The following ZBTB7C variants were observed in gnomAD, a reference collection of about 807,000 sequenced individuals.
ZBTB7C encodes zinc finger and BTB domain containing 7C.
ZBTB7C carries 8 observed loss-of-function variants against 25.7 expected under a neutral mutation model. The ratio of observed to expected loss-of-function variants is 0.31; its 90% CI spans 0.18 to 0.56. The LOEUF is 0.56. Among genes scored for constraint, ZBTB7C ranks in the 20% least tolerant of loss-of-function variants. ZBTB7C has a pLI of 0.91. For synonymous variants in ZBTB7C, 394 were observed against 369.0 expected (o/e 1.07, Z -0.78); for missense variants, 824 against 855.2 (o/e 0.96, Z 0.46).
chr18:48,098,312 G>T lies in ZBTB7C; in HGVS notation c.-16-57189C>A, dbSNP rs534978245. On this transcript the variant is annotated intron_variant, in intron 3 of 4. Coordinates refer to ENST00000590800, the MANE Select transcript of ZBTB7C (RefSeq NM_001318841.2). The stretch of plus-strand genomic sequence containing the variant: ...TATGGGGATGGATCCAGCATTCTTG[G>T]TGTCTTCCTAATCACATTTTACCCG... Among the ~76,000 whole-genome samples the T allele has an allele frequency of 2.0e-5, 3 of 152,300 alleles. No homozygotes were observed. In the East Asian group the frequency reaches 5.8e-4, roughly 29 times the overall value.
intron 3 of ZBTB7C, among the ~76,000 whole-genome samples, chr18:48,137,605 G>A (rs2040215534): frequency 6.6e-6 from 1 of 152,172 alleles, no homozygotes; most frequent in African/African-American, 2.4e-5. Flanking sequence ...TTACAGGGTC[G>A]TGAGTGTAAC....
In ZBTB7C at chr18:48,040,889, G is replaced by A. The variant is rs184738371; in HGVS notation, c.219C>T (p.Tyr73=). ...FTAGTLASQP[Y]VYEIDFVQPE... is the part of the protein sequence containing the mutation. ...GCTGGACAAAGTCGATCTCATAGAC[G>A]TAGGGCTGGCTGGCTAGGGTGCCGG... Residue 73 remains tyrosine, a synonymous_variant, in exon 4 of 5, where the codon TAC becomes TAT. Coordinates refer to ENST00000590800, the MANE Select transcript of ZBTB7C (RefSeq NM_001318841.2). 3.0e-5 allele frequency: 48 copies of A among 1,614,208 alleles called. No homozygotes were observed. Among genetic ancestry groups the A allele is most frequent in the Admixed American group, 1.8e-4 (11 of 60,034 alleles).
intron 2 of ZBTB7C, among the ~76,000 whole-genome samples, chr18:48,238,418 C>G (rs1314636419): frequency 6.6e-6 from 1 of 152,198 alleles, no homozygotes; most frequent in African/African-American, 2.4e-5. Context: ...AAGGAAGCGG[C>G]TTGCCACTGC....
In ZBTB7C at chr18:48,039,893, T is replaced by G; in HGVS notation, c.1208+7A>C. 5 of 1,610,562 alleles carry G rather than the reference T, an allele frequency of 3.1e-6. No homozygotes were observed. Among genetic ancestry groups the G allele is most frequent in the Non-Finnish European group, 4.2e-6 (5 of 1,179,978 alleles). On this transcript the variant is annotated splice_region_variant and intron_variant, in intron 4 of 4. Transcript: ENST00000590800. The stretch of plus-strand genomic sequence containing the variant: ...CGTGCCCCACACCCGAGGGCTGCCA[T>G]GCGCACCTGGTGAAGCGGACCTCGC...
At chr18:48,285,754 G>A (rs1474022736) in intron 2 of ZBTB7C, among the ~76,000 whole-genome samples, 1 of 152,100 alleles carries the variant, frequency 6.6e-6, no homozygotes, top group African/African-American at 2.4e-5. Context: ...AAAAGTTTCT[G>A]CCTTTAATGG....
intron 1 of ZBTB7C, among the ~76,000 whole-genome samples, chr18:48,404,268 T>C (rs573486159): frequency 8.0e-5 from 12 of 150,188 alleles, no homozygotes; most frequent in African/African-American, 2.7e-4. Context: ...AAAAAAAGAA[T>C]ATAGTCCAGG....
At chr18:48,139,431 C>T (rs1475179514) in intron 3 of ZBTB7C, among the ~76,000 whole-genome samples, 1 of 152,042 alleles carries the variant, frequency 6.6e-6, no homozygotes, top group Non-Finnish European at 1.5e-5. Context: ...AGTTGAGGTG[C>T]CCAGCCCAGC....
chr18:48,215,903 G>A (rs1338894594), intron 2 of ZBTB7C, among the ~76,000 whole-genome samples: 1 of 152,194 alleles, frequency 6.6e-6, no homozygotes, highest in Non-Finnish European at 1.5e-5. Context: ...TTTTCCTTCA[G>A]GGCCTGCTGT....
intron 1 of ZBTB7C, among the ~76,000 whole-genome samples, chr18:48,344,436 G>T (rs2046679718): frequency 6.6e-6 from 1 of 152,168 alleles, no homozygotes; most frequent in South Asian, 2.1e-4. Context: ...CATGCCACTG[G>T]TCTGGGATCA....
intron 1 of ZBTB7C, among the ~76,000 whole-genome samples, chr18:48,380,970 T>C (rs939125922): frequency 6.6e-6 from 1 of 152,184 alleles, no homozygotes; most frequent in Admixed American, 6.5e-5. Context: ...GCAGGACATG[T>C]ACAGAGAATC....
At chr18:48,225,130 C>T (rs2043056324) in intron 2 of ZBTB7C, among the ~76,000 whole-genome samples, 2 of 152,218 alleles carry the variant, frequency 1.3e-5, no homozygotes, top group South Asian at 4.1e-4. Flanking sequence ...AGGAGTATGC[C>T]TGAGCATAAA....
upstream of ZBTB7C, among the ~76,000 whole-genome samples, chr18:48,412,361 C>T (rs996650496): frequency 2.0e-5 from 3 of 152,174 alleles, no homozygotes; most frequent in Non-Finnish European, 4.4e-5. Flanking sequence ...TTAGAACTTA[C>T]GGTTTCCATT....
chr18:48,385,912 C>A (rs539489146), intron 1 of ZBTB7C, among the ~76,000 whole-genome samples: 2 of 152,166 alleles, frequency 1.3e-5, no homozygotes, highest in African/African-American at 4.8e-5. Flanking sequence ...GATTCCATGA[C>A]GGGGAGATTC....
chr18:48,213,835 G>T (rs934916627), intron 2 of ZBTB7C, among the ~76,000 whole-genome samples: 2 of 152,218 alleles, frequency 1.3e-5, no homozygotes, highest in Admixed American at 1.3e-4. Flanking sequence ...TCAGAGCAAA[G>T]GAGCCCCTCT....
At chr18:48,167,152 C>T (rs2041277674) in intron 3 of ZBTB7C, among the ~76,000 whole-genome samples, 1 of 152,184 alleles carries the variant, frequency 6.6e-6, no homozygotes, top group Non-Finnish European at 1.5e-5. Flanking sequence ...CTTCCTCCAC[C>T]CTTCCAGGGT....
chr18:48,335,021 G>A (rs549075751), intron 2 of ZBTB7C, among the ~76,000 whole-genome samples: 1 of 152,214 alleles, frequency 6.6e-6, no homozygotes, highest in Non-Finnish European at 1.5e-5. Context: ...CATAGATAGA[G>A]CACCAGCTGG....
intron 2 of ZBTB7C, among the ~76,000 whole-genome samples, chr18:48,309,508 A>G (rs954723177): frequency 3.9e-5 from 6 of 152,218 alleles, no homozygotes; most frequent in African/African-American, 1.4e-4. Context: ...TAGTGGCAGC[A>G]GGGGCTGCTC....
Position 48,029,305 on chromosome 18 carries a change from G to A in ZBTB7C, c.1815C>T (p.Leu605=), listed in dbSNP as rs899735615. 2.1e-5 allele frequency: 33 copies of A among 1,536,898 alleles called. No individual in the cohort carries two copies. The highest frequency in any genetic ancestry group is 2.7e-5 in the Non-Finnish European group (31 of 1,147,762). Residue 605 remains leucine, a synonymous_variant, in exon 5 of 5, where the codon CTC becomes CTT. Coordinates refer to ENST00000590800, the MANE Select transcript of ZBTB7C (RefSeq NM_001318841.2). ...WAAGLAGLPG[L]AGLNHVASMS... Reference sequence around the variant, plus strand: ...TGGAGGCCACGTGGTTGAGGCCGGCGAGCCCAGGGAGGCCGGCCAGGCCGG... The same window carrying A: ...TGGAGGCCACGTGGTTGAGGCCGGCAAGCCCAGGGAGGCCGGCCAGGCCGG...
chr18:48,258,463 C>G (rs1048189785), intron 2 of ZBTB7C, among the ~76,000 whole-genome samples: 12 of 152,126 alleles, frequency 7.9e-5, no homozygotes, highest in African/African-American at 2.9e-4. Flanking sequence ...AAGCTACTGA[C>G]AGTAACACCA....
Sources: allele counts gnomAD v4.1 joint callset (sites outside exome capture counted in the v4.1 genomes callset), GRCh38; gene constraint gnomAD v4.1.1; transcripts MANE v1.5; gene names NCBI Gene and HGNC (gene_info 2026-07-23, HGNC 2026-07-21).